TTC1: variants seen among roughly 807,000 people sequenced by gnomAD.
The protein encoded by TTC1 is tetratricopeptide repeat protein 1.
TTC1 carries 31 observed loss-of-function variants against 37.6 expected under a neutral mutation model. That is an observed-to-expected ratio of 0.82 (90% CI 0.62 to 1.11). TTC1 has a LOEUF of 1.11. TTC1 is among the 50% of genes most tolerant of loss of function. The probability of loss-of-function intolerance (pLI) is 0.00; values close to 1 mark genes in which losing one functional copy is unlikely to be tolerated. For missense variants in TTC1, 351 were observed against 339.0 expected, an observed-to-expected ratio of 1.04 and a Z score of -0.28; for synonymous variants, 127 against 122.4, an observed-to-expected ratio of 1.04 and a Z score of -0.25.
intron 2 of TTC1, among the ~76,000 whole-genome samples, chr5:160,032,938 A>T: frequency 6.6e-6 from 1 of 150,986 alleles, no homozygotes; most frequent in Admixed American, 6.6e-5. Flanking sequence ...GTCGGCCAGG[A>T]TGGTCTCAAT....
chr5:160,033,923 C>T (rs943250743), intron 2 of TTC1, among the ~76,000 whole-genome samples: 1 of 152,162 alleles, frequency 6.6e-6, no homozygotes, highest in Non-Finnish European at 1.5e-5. Flanking sequence ...AACTGTATTT[C>T]CTCCCTTTGA....
intron 2 of TTC1, among the ~76,000 whole-genome samples, chr5:160,016,113 C>T (rs1756601290): frequency 6.6e-6 from 1 of 152,200 alleles, no homozygotes; most frequent in Non-Finnish European, 1.5e-5. Flanking sequence ...TGCAGTGGCT[C>T]ATGCCTATAA....
intron 2 of TTC1, chr5:160,023,823 C>G: frequency 1.5e-5 from 24 of 1,613,738 alleles, no homozygotes; most frequent in Non-Finnish European, 1.8e-5. Flanking sequence ...TTCTCAGAGT[C>G]TGAGCTGTCA....
intron 2 of TTC1, among the ~76,000 whole-genome samples, chr5:160,023,403 C>T (rs1304131276): frequency 6.6e-6 from 1 of 151,682 alleles, no homozygotes; most frequent in Non-Finnish European, 1.5e-5. Context: ...GTGATCCTTC[C>T]CCCTCAGCCT....
At position 160,036,742 on chromosome 5, in the gene TTC1, C is replaced by T. The variant is rs148890967; in HGVS notation, c.443C>T (p.Ser148Phe). ...AGTCGAGCCCTCGAAATGTGCCCAT[C>T]CTGCTTCCAAAAGGAGAGGTCGATT... is the stretch of plus-strand genomic sequence containing the variant. ...SYSRALEMCP[S>F]CFQKERSILF... is the part of the protein sequence containing the mutation. The change falls in exon 4 of 8, where the codon TCC (serine) becomes TTC (phenylalanine). Residue 148 changes from serine (S) to phenylalanine (F), a missense_variant. Coordinates refer to ENST00000231238, the MANE Select transcript of TTC1 (RefSeq NM_003314.3). The T allele has an allele frequency of 1.1e-5, 18 of 1,614,050 alleles. No homozygotes were observed. In the East Asian group the frequency reaches 4.0e-4, roughly 36 times the overall value.
chr5:160,032,097 G>A (rs537608901), intron 2 of TTC1, among the ~76,000 whole-genome samples: 4 of 152,240 alleles, frequency 2.6e-5, no homozygotes, highest in African/African-American at 9.6e-5. Flanking sequence ...TTGCCCATTG[G>A]GAACTTGATG....
At chr5:160,064,833 C>A (rs1171660550) in intron 7 of TTC1, 99 bp from the exon 8 acceptor site, 1 of 1,306,158 alleles carries the variant, frequency 7.7e-7, no homozygotes, top group Non-Finnish European at 1.1e-6. Flanking sequence ...CAAAGAGATA[C>A]TTTTATATTT....
At chr5:160,013,519 C>T (rs889073568) in intron 2 of TTC1, among the ~76,000 whole-genome samples, 3 of 151,672 alleles carry the variant, frequency 2.0e-5, no homozygotes, top group Non-Finnish European at 2.9e-5. Flanking sequence ...CTGAGGCGGG[C>T]GGATCATGAG....
chr5:160,055,511 T>C (rs2113407186), intron 7 of TTC1, among the ~76,000 whole-genome samples: 1 of 152,366 alleles, frequency 6.6e-6, no homozygotes, highest in Non-Finnish European at 1.5e-5. Context: ...CTTTTGGAGC[T>C]GCATCTCAGA....
intron 4 of TTC1, among the ~76,000 whole-genome samples, chr5:160,040,071 C>G (rs936530488): frequency 6.6e-6 from 1 of 152,142 alleles, no homozygotes; most frequent in Non-Finnish European, 1.5e-5. Context: ...TACTACACAC[C>G]TAAGCTATAT....
intron 2 of TTC1, among the ~76,000 whole-genome samples, chr5:160,014,307 G>A (rs1283145151): frequency 1.3e-5 from 2 of 151,844 alleles, no homozygotes; most frequent in African/African-American, 2.4e-5. Flanking sequence ...GCAGTGAGCC[G>A]AGATTGGGCC....
At chr5:160,021,448 A>G (rs776393785) in intron 2 of TTC1, among the ~76,000 whole-genome samples, 7 of 152,248 alleles carry the variant, frequency 4.6e-5, no homozygotes, top group Non-Finnish European at 8.8e-5. Flanking sequence ...CCTGACATAG[A>G]AAATTTATTT....
chr5:160,060,908 G>A (rs1189921777), intron 7 of TTC1, among the ~76,000 whole-genome samples: 1 of 152,232 alleles, frequency 6.6e-6, no homozygotes, highest in Non-Finnish European at 1.5e-5. Context: ...AAATTTTAAT[G>A]TTTGTTCAGT....
At chr5:160,010,881 A>T (rs1231616872) in intron 2 of TTC1, 23 bp downstream of exon 2, 3 of 1,594,050 alleles carry the variant, frequency 1.9e-6, no homozygotes, top group Non-Finnish European at 2.6e-6. Flanking sequence ...TTTATTGTGC[A>T]AGATCTGCCA....
Position 160,049,638 on chromosome 5 carries a change from A to C in TTC1, c.666A>C (p.Ile222=). The C allele has an allele frequency of 6.3e-7, 1 of 1,587,698 alleles. No individual in the cohort carries two copies. The highest frequency in any genetic ancestry group is 8.5e-7 in the Non-Finnish European group (1 of 1,172,778). The change falls in exon 6 of 8, where the codon ATA becomes ATC. Residue 222 remains isoleucine, a synonymous_variant. Coordinates refer to ENST00000231238, the MANE Select transcript of TTC1 (RefSeq NM_003314.3). ...YKSILEKDPS[I]HQAREACMRL... ...CTATATTAGAAAAAGATCCATCAAT[A>C]CATCAAGCAAGAGAAGCTTGTATGG...
intron 7 of TTC1, among the ~76,000 whole-genome samples, chr5:160,062,310 C>A (rs1221797773): frequency 1.3e-5 from 2 of 152,168 alleles, no homozygotes; most frequent in Non-Finnish European, 2.9e-5. Flanking sequence ...TAGTGCAGAC[C>A]AGCCTAAAGC....
At chr5:160,039,297 TA>T (rs1191189373) in intron 4 of TTC1, 10 of 150,916 alleles carry the variant, frequency 6.6e-5, no homozygotes, top group African/African-American at 2.4e-4. Flanking sequence ...TTTTTTTTTT[TA>T]ACTACTGTCC....
At chr5:160,045,508 ACACACATACACACTCTCT>A (rs1757203921) in intron 5 of TTC1, among the ~76,000 whole-genome samples, 2 of 75,862 alleles carry the variant, frequency 2.6e-5, no homozygotes, top group African/African-American at 1.2e-4. Flanking sequence ...ACACACACAC[ACACACATACACACTCTCT>A]CTCTCTCTCT....
chr5:160,027,840 C>T (rs1178995206), intron 2 of TTC1, among the ~76,000 whole-genome samples: 1 of 152,140 alleles, frequency 6.6e-6, no homozygotes, highest in South Asian at 2.1e-4. Flanking sequence ...TAGTCTTGTT[C>T]TCTTCTATCA....
Sources: allele counts gnomAD v4.1 joint callset (sites outside exome capture counted in the v4.1 genomes callset), GRCh38; gene constraint gnomAD v4.1.1; transcripts MANE v1.5; gene names NCBI Gene and HGNC (gene_info 2026-07-23, HGNC 2026-07-21).